MAPK8IP3: variants seen among roughly 807,000 people sequenced by gnomAD.
MAPK8IP3 encodes the protein C-Jun-amino-terminal kinase-interacting protein 3.
Under a neutral mutation model 157.8 loss-of-function variants are expected in MAPK8IP3, and 49 were observed. That is an observed-to-expected ratio of 0.31 (90% CI 0.25 to 0.39). The LOEUF is 0.39. Among genes scored for constraint, MAPK8IP3 ranks in the 10% least tolerant of loss-of-function variants. MAPK8IP3 has a pLI of 1.00. For missense variants in MAPK8IP3, 1,478 were observed against 1,889.4 expected (o/e 0.78, Z 4.04); for synonymous variants, 897 against 777.7 (o/e 1.15, Z -2.55).
At chr16:1,761,367 CGGCCACCGTTCACCATTCACACACAGGGT>C (rs1431513109) in intron 13 of MAPK8IP3, 62 bp downstream of exon 13, 1 of 1,463,996 alleles carries the variant, frequency 6.8e-7, no homozygotes, top group Non-Finnish European at 9.5e-7. Context: ...ACAGGCGGGG[CGGCCACCGTTCACCATTCACACACAGGGT>C]GACCACCATT....
chr16:1,709,467 T>C (rs1284340814), intron 1 of MAPK8IP3, among the ~76,000 whole-genome samples: 1 of 152,258 alleles, frequency 6.6e-6, no homozygotes, highest in East Asian at 1.9e-4. Flanking sequence ...GCCTGGAGAA[T>C]TGTGGGCAGG....
chr16:1,762,637 G>C, intron 14 of MAPK8IP3, 38 bp from the exon 15 acceptor site: 1 of 1,542,802 alleles, frequency 6.5e-7, no homozygotes, highest in Non-Finnish European at 8.8e-7. Context: ...GGAGGCGTGA[G>C]GGCACTAGCA....
chr16:1,729,840 C>T (rs1349151778), intron 4 of MAPK8IP3, among the ~76,000 whole-genome samples: 1 of 152,016 alleles, frequency 6.6e-6, no homozygotes, highest in East Asian at 1.9e-4. Context: ...AGGGAGGCCC[C>T]GGGCAGCTTG....
intron 5 of MAPK8IP3, chr16:1,744,671 G>C (rs1295163344): frequency 1.2e-5 from 12 of 985,460 alleles, no homozygotes; most frequent in Non-Finnish European, 1.4e-5. Flanking sequence ...CCTCAGCCGG[G>C]GGGAGCCCTT....
At chr16:1,714,273 T>C (rs1567136446) in intron 1 of MAPK8IP3, 1 of 148,004 alleles carries the variant, frequency 6.8e-6, no homozygotes, top group Non-Finnish European at 1.5e-5. Flanking sequence ...TGGCAGGGTG[T>C]TGGGCCAAGC....
At chr16:1,714,253 C>T (rs2037989906) in intron 1 of MAPK8IP3, 1 of 146,668 alleles carries the variant, frequency 6.8e-6, no homozygotes, top group Admixed American at 6.6e-5. Flanking sequence ...TGTAAGCCCG[C>T]TCACCCCGTT....
At chr16:1,729,462 A>C (rs751353780) in intron 3 of MAPK8IP3, 25 bp from the exon 4 acceptor site, 5 of 1,599,428 alleles carry the variant, frequency 3.1e-6, no homozygotes, top group Non-Finnish European at 4.3e-6. Context: ...CGGCAGCGCT[A>C]ATGCAGGCGT....
chr16:1,734,138 C>T (rs990928628), intron 4 of MAPK8IP3, among the ~76,000 whole-genome samples: 1 of 152,254 alleles, frequency 6.6e-6, no homozygotes, highest in Non-Finnish European at 1.5e-5. Flanking sequence ...TGCGCAGCTA[C>T]ATTACTCTGG....
Position 1,765,204 on chromosome 16 carries a change from A to C in MAPK8IP3, c.2446+26A>C, listed in dbSNP as rs747258373. On this transcript the variant is annotated intron_variant, in intron 20 of 31. Coordinates refer to ENST00000610761, the MANE Select transcript of MAPK8IP3 (RefSeq NM_001318852.2). ...GTGAGCAGCTGGAGTGGGCGTTTCC[A>C]CTCGGGCGCCACTCCCTTTTACTAG... 5 of 1,569,746 alleles carry C rather than the reference A, an allele frequency of 3.2e-6. No homozygotes were observed. The African/African-American group carries it at 6.8e-5, about 21-fold the overall frequency.
rs970034033 is a variant in MAPK8IP3, at chr16:1,706,965, C to G, written c.318+308C>G. On this transcript the variant is annotated intron_variant, in intron 1 of 31. Coordinates refer to ENST00000610761, the MANE Select transcript of MAPK8IP3 (RefSeq NM_001318852.2). The surrounding 1 kb of genome is among the most constrained non-coding windows in gnomAD (Gnocchi z 5.1). ...CTGGGCCCTGGCCCCCTCCTCCGTG[C>G]CCCCAGCCCTGAATCTTCAGCCCCA... Among the ~76,000 whole-genome samples, 1 of 151,244 alleles carries G rather than the reference C, an allele frequency of 6.6e-6. No homozygotes were observed. Among genetic ancestry groups the G allele is most frequent in the Non-Finnish European group, 1.5e-5 (1 of 67,738 alleles).
chr16:1,762,331 C>T lies in MAPK8IP3; in HGVS notation c.1540-20C>T, dbSNP rs772153554. The T allele has an allele frequency of 6.4e-7, 1 of 1,558,216 alleles. No homozygotes were observed. Among genetic ancestry groups the T allele is most frequent in the South Asian group, 1.2e-5 (1 of 85,016 alleles). ...CGGCCTCCGAGGGCTGGCTGAGCCT[C>T]TGTGCCCCTCCCTCCGCAGGACAAA... is the stretch of plus-strand genomic sequence containing the variant. On this transcript the variant is annotated intron_variant, in intron 13 of 31. Transcript: ENST00000610761.
rs1289033370 is a variant in MAPK8IP3 at position 1,741,999 on chromosome 16, G to C, written c.603-1333G>C. ...CCCCTGTCGCCGTCTGCATCCTCCAGGCATGGCCAGAGCAGGTTCCTTGAA... is the reference window on the plus strand; with the variant it reads ...CCCCTGTCGCCGTCTGCATCCTCCACGCATGGCCAGAGCAGGTTCCTTGAA... On this transcript the variant is annotated intron_variant, in intron 4 of 31. Coordinates refer to ENST00000610761, the MANE Select transcript of MAPK8IP3 (RefSeq NM_001318852.2). This position sits in a 1 kb window ranked among gnomAD's most constrained non-coding sequence, Gnocchi z 6.9. Among the ~76,000 whole-genome samples, 1 of 152,144 alleles carries C rather than the reference G, an allele frequency of 6.6e-6. No homozygotes were observed. Among genetic ancestry groups the C allele is most frequent in the Non-Finnish European group, 1.5e-5 (1 of 68,006 alleles).
At chr16:1,738,613 CGT>C (rs1318543964) in intron 4 of MAPK8IP3, among the ~76,000 whole-genome samples, 2 of 124,670 alleles carry the variant, frequency 1.6e-5, no homozygotes, top group Admixed American at 8.8e-5. Flanking sequence ...TGTGACCGTC[CGT>C]GTGAGCATCG....
chr16:1,744,876 CTTTTTA>C (rs2040875172), intron 5 of MAPK8IP3: 1 of 959,922 alleles, frequency 1.0e-6, no homozygotes, highest in South Asian at 4.8e-5. Context: ...CATTTAAGTT[CTTTTTA>C]TTTTATGCTC....
chr16:1,711,192 C>G (rs1021620002), intron 1 of MAPK8IP3, among the ~76,000 whole-genome samples: 6 of 152,258 alleles, frequency 3.9e-5, no homozygotes, highest in African/African-American at 9.6e-5. Context: ...ATTAACACTC[C>G]TCACCCAGCT....
intron 1 of MAPK8IP3, among the ~76,000 whole-genome samples, chr16:1,723,382 G>A (rs1396411597): frequency 1.3e-5 from 2 of 152,094 alleles, no homozygotes; most frequent in African/African-American, 2.4e-5. Flanking sequence ...GTTTTACCAT[G>A]TTGGTCAGGC....
At chr16:1,756,574 G>GGAGTT (rs1268041876) in intron 8 of MAPK8IP3, among the ~76,000 whole-genome samples, 3 of 151,370 alleles carry the variant, frequency 2.0e-5, no homozygotes, top group Non-Finnish European at 4.4e-5. Context: ...CTTGAGCCCA[G>GGAGTT]GAGTTGAAGA....
chr16:1,722,015 C>A (rs943965117), intron 1 of MAPK8IP3, among the ~76,000 whole-genome samples: 6 of 149,564 alleles, frequency 4.0e-5, no homozygotes, highest in Admixed American at 2.7e-4. Context: ...GTCATCCCCC[C>A]CGCCTCGGCC....
rs1439625441 is a variant in MAPK8IP3 at position 1,739,154 on chromosome 16, A to G, written c.603-4178A>G. Among the ~76,000 whole-genome samples the G allele has an allele frequency of 1.0e-3, 77 of 74,546 alleles. 3 individuals are homozygous for G. The Admixed American group carries it at 0.011, about 11-fold the overall frequency. The allele number at this position is 74,546 out of a possible 152,430, so 48.9% of individuals were successfully genotyped here. A position where few individuals can be genotyped will look rare whatever the true frequency, so the allele number is the denominator to read the frequency against. On this transcript the variant is annotated intron_variant, in intron 4 of 31. Coordinates refer to ENST00000610761, the MANE Select transcript of MAPK8IP3 (RefSeq NM_001318852.2). ...CGTGTGACCGTCCGTGTGTGTGACC[A>G]TCCGTGTGAGTGTGACCATCCATGT...
Sources: allele counts gnomAD v4.1 joint callset (sites outside exome capture counted in the v4.1 genomes callset), GRCh38; gene constraint gnomAD v4.1.1; non-coding constraint Gnocchi (gnomAD v3.1); transcripts MANE v1.5; gene names NCBI Gene and HGNC (gene_info 2026-07-23, HGNC 2026-07-21).